Variants in WASHC4 observed in about 807,000 individuals in gnomAD.
The protein encoded by WASHC4 is WASH complex subunit 4, also known as WASH complex subunit 7.
Under a neutral mutation model 166.6 loss-of-function variants are expected in WASHC4, and 86 were observed. That is an observed-to-expected ratio of 0.52 (90% CI 0.43 to 0.62). The LOEUF (loss-of-function observed/expected upper bound fraction) is 0.62. WASHC4 is among the 20% of genes least tolerant of loss of function. The probability of loss-of-function intolerance (pLI) is 0.00; values close to 1 mark genes in which losing one functional copy is unlikely to be tolerated. For missense variants in WASHC4, 1,262 were observed against 1,382.4 expected, an observed-to-expected ratio of 0.91 and a Z score of 1.38; for synonymous variants, 446 against 451.6, an observed-to-expected ratio of 0.99 and a Z score of 0.16.
intron 2 of WASHC4, 38 bp from the exon 3 acceptor site, chr12:105,114,177 TC>T: frequency 6.3e-7 from 1 of 1,577,572 alleles, no homozygotes; most frequent in Non-Finnish European, 8.7e-7. Flanking sequence ...CAGTTATTTT[TC>T]AAATTAAAAG....
rs1296230926 is a variant in WASHC4, at chr12:105,144,515, C to G, written c.2179+60C>G. ...CTCTTTTTTTTTTTTTTTTACCCTA[C>G]TGTTAAACAAAACTTTGAGGGTATA... On this transcript the variant is annotated intron_variant, in intron 21 of 32. Coordinates refer to ENST00000332180, the MANE Select transcript of WASHC4 (RefSeq NM_015275.3). The G allele has an allele frequency of 3.7e-6, 5 of 1,345,878 alleles. No individual in the cohort carries two copies. In the East Asian group the frequency reaches 1.2e-4, roughly 31 times the overall value. The allele number at this position is 1,345,878 out of a possible 1,614,324, so 83.4% of individuals were successfully genotyped here.
intron 13 of WASHC4, among the ~76,000 whole-genome samples, chr12:105,131,116 G>A (rs1881773693): frequency 6.8e-6 from 1 of 147,056 alleles, no homozygotes; most frequent in African/African-American, 2.5e-5. Flanking sequence ...GTCTCGCTCT[G>A]TCTCCCAGGT....
chr12:105,126,496 C>T, intron 12 of WASHC4, 134 bp downstream of exon 12: 2 of 695,878 alleles, frequency 2.9e-6, no homozygotes, highest in Non-Finnish European at 4.7e-6. Context: ...TTCAAGTATT[C>T]CAGAAATAAG....
At chr12:105,161,043 A>G (rs770850368) in intron 29 of WASHC4, among the ~76,000 whole-genome samples, 9 of 152,206 alleles carry the variant, frequency 5.9e-5, no homozygotes, top group Non-Finnish European at 1.3e-4. Flanking sequence ...TATTAGTAAT[A>G]AGAGTTGTTT....
chr12:105,144,551 G>C, intron 21 of WASHC4, 96 bp downstream of exon 21: 1 of 1,218,360 alleles, frequency 8.2e-7, no homozygotes, highest in Non-Finnish European at 1.2e-6. Flanking sequence ...TTTAAATTTT[G>C]TGTTGTTATT....
intron 14 of WASHC4, among the ~76,000 whole-genome samples, chr12:105,135,870 G>T (rs1005468772): frequency 6.6e-6 from 1 of 151,928 alleles, no homozygotes; most frequent in Non-Finnish European, 1.5e-5. Context: ...CTTATCTGTT[G>T]TTTCTCTTGT....
intron 28 of WASHC4, among the ~76,000 whole-genome samples, chr12:105,157,793 G>C (rs1325027359): frequency 6.6e-6 from 1 of 152,050 alleles, no homozygotes; most frequent in Non-Finnish European, 1.5e-5. Flanking sequence ...CTTAAAATAT[G>C]GCAAATGCGA....
At position 105,144,475 on chromosome 12, in the gene WASHC4, T is replaced by C; in HGVS notation, c.2179+20T>C. ...TTCGGGGTGAGTGTTTTGCTTTCCT[T>C]CTTAGAGTCATATTCTCTTTTTTTT... is the stretch of plus-strand genomic sequence containing the variant. On this transcript the variant is annotated intron_variant, in intron 21 of 32. Transcript: ENST00000332180. The C allele has an allele frequency of 6.2e-7, 1 of 1,604,280 alleles. No individual in the cohort carries two copies. Among genetic ancestry groups the C allele is most frequent in the Non-Finnish European group, 8.5e-7 (1 of 1,171,932 alleles).
intron 31 of WASHC4, 34 bp from the exon 32 acceptor site, chr12:105,164,607 T>C: frequency 1.4e-6 from 2 of 1,451,330 alleles, no homozygotes; most frequent in Non-Finnish European, 1.9e-6. Context: ...ATAAGTATTT[T>C]TGGTTTTTAT....
intron 4 of WASHC4, 104 bp from the exon 5 acceptor site, chr12:105,115,080 G>A: frequency 1.6e-6 from 1 of 634,292 alleles, no homozygotes; most frequent in South Asian, 1.8e-5. Context: ...GTATGCAAAT[G>A]ATGTAGCCCT....
Position 105,152,376 on chromosome 12 carries a change from G to A in WASHC4, c.2683G>A (p.Gly895Ser), listed in dbSNP as rs774913050. The A allele has an allele frequency of 2.6e-5, 42 of 1,603,520 alleles. No homozygotes were observed. Among genetic ancestry groups the A allele is most frequent in the South Asian group, 2.4e-4 (22 of 90,866 alleles). The change falls in exon 26 of 33, where the codon GGC (glycine) becomes AGC (serine). Residue 895 changes from glycine to serine, a missense_variant. Physicochemically the swap from Gly to Ser is moderately conservative, Grantham distance 56. Transcript: ENST00000332180. ...TGATAGAGCAGAAAAATTCAATCGAGGCATCAGAAAACTTGGAGTAACACC... is the reference window on the plus strand; with the variant it reads ...TGATAGAGCAGAAAAATTCAATCGAAGCATCAGAAAACTTGGAGTAACACC... The part of the protein sequence containing the change: ...PFDRAEKFNR[G>S]IRKLGVTPEG...
At chr12:105,144,617 A>G in intron 21 of WASHC4, 101 bp from the exon 22 acceptor site, 2 of 1,197,744 alleles carry the variant, frequency 1.7e-6, no homozygotes, top group South Asian at 1.3e-5. Context: ...TTTTAAAGGA[A>G]CAAATCTGAT....
In WASHC4 at chr12:105,118,783, C is replaced by T. The variant is rs1430642416; in HGVS notation, c.518+255C>T. On this transcript the variant is annotated intron_variant, in intron 7 of 32. Transcript: ENST00000332180. ...AGAAATTTGACCATATAGAAGAAGG[C>T]TAACATGGAATTAGTACATGTTCTG... is the stretch of plus-strand genomic sequence containing the variant. 2.6e-5 allele frequency among the ~76,000 whole-genome samples: 4 copies of T among 152,252 alleles called. No individual in the cohort carries two copies. The East Asian group carries it at 5.8e-4, about 22-fold the overall frequency.
At position 105,127,133 on chromosome 12, in the gene WASHC4, C is replaced by A; in HGVS notation, c.1043C>A (p.Pro348Gln). Residue 348 changes from proline (P) to glutamine (Q), a missense_variant, in exon 13 of 33, where the codon CCA (proline) becomes CAA (glutamine). Coordinates refer to ENST00000332180, the MANE Select transcript of WASHC4 (RefSeq NM_015275.3). ...CTTTTCCCTTTTCTGTTTCAGGTAC[C>A]AGCCATCACTCTAACTGCTAATATT... Reference protein sequence around the residue: ...KSLLDICKKVPAITLTANIIW... With the variant: ...KSLLDICKKVQAITLTANIIW... The A allele has an allele frequency of 6.2e-7, 1 of 1,612,470 alleles. No homozygotes were observed. Among genetic ancestry groups the A allele is most frequent in the Admixed American group, 1.7e-5 (1 of 59,994 alleles).
chr12:105,157,149 TAG>T, intron 27 of WASHC4, 85 bp from the exon 28 acceptor site: 2 of 722,876 alleles, frequency 2.8e-6, no homozygotes, highest in Non-Finnish European at 4.9e-6. Context: ...TTGAAAATTT[TAG>T]AGTCCTGCAG....
chr12:105,140,768 A>G, intron 16 of WASHC4, 131 bp from the exon 17 acceptor site: 1 of 892,938 alleles, frequency 1.1e-6, no homozygotes. Context: ...TAAATGTCAG[A>G]AGCTTAAATG....
chr12:105,144,017 G>A (rs969247858), intron 20 of WASHC4, among the ~76,000 whole-genome samples: 6 of 151,252 alleles, frequency 4.0e-5, no homozygotes, highest in Non-Finnish European at 5.9e-5. Flanking sequence ...CTGTTCTCAT[G>A]CCCTTTCCTC....
At chr12:105,147,183 A>G (rs573497525) in intron 24 of WASHC4, 37 bp downstream of exon 24, 1 of 1,171,936 alleles carries the variant, frequency 8.5e-7, no homozygotes, top group Non-Finnish European at 1.3e-6. Flanking sequence ...TGGGTAATAG[A>G]CCCGTTTAAT....
chr12:105,119,991 G>C (rs955912463), intron 7 of WASHC4, among the ~76,000 whole-genome samples: 2 of 152,188 alleles, frequency 1.3e-5, no homozygotes, highest in African/African-American at 4.8e-5. Flanking sequence ...AGCTCTCAGG[G>C]AGGCAAGAGG....
Sources: allele counts gnomAD v4.1 joint callset (sites outside exome capture counted in the v4.1 genomes callset), GRCh38; gene constraint gnomAD v4.1.1; transcripts MANE v1.5; gene names NCBI Gene and HGNC (gene_info 2026-07-23, HGNC 2026-07-21).